DDX54: variants seen among roughly 807,000 people sequenced by gnomAD.
DDX54 encodes the protein DEAD-box helicase 54.
A neutral mutation model predicts 105.5 loss-of-function variants in DDX54; 67 were observed. That is an observed-to-expected ratio of 0.64 (90% CI 0.52 to 0.78). The LOEUF (loss-of-function observed/expected upper bound fraction) is 0.78. Among genes scored for constraint, DDX54 ranks in the 30% least tolerant of loss-of-function variants. The pLI, the probability that DDX54 is intolerant of heterozygous loss-of-function variation, is 0.00. For synonymous variants in DDX54, 514 were observed against 509.9 expected (o/e 1.01, Z -0.11); for missense variants, 1,206 against 1,230.5 (o/e 0.98, Z 0.30).
chr12:113,167,286 A>C (rs1246133297), intron 12 of DDX54, among the ~76,000 whole-genome samples: 1 of 152,150 alleles, frequency 6.6e-6, no homozygotes, highest in Admixed American at 6.6e-5. Context: ...CTGAGGTGGA[A>C]GGATTGCTTG....
In DDX54 at chr12:113,162,905, G is replaced by A; in HGVS notation, c.2195+27C>T. The A allele has an allele frequency of 2.6e-6, 4 of 1,553,580 alleles. 1 individual carries two copies. The South Asian group carries it at 4.9e-5, about 19-fold the overall frequency. ...TCACTCGGTCACTCACCCCGAGCAT[G>A]GAGGGGCGGCTCACTCGATCACTCA... On this transcript the variant is annotated intron_variant, in intron 17 of 19. Coordinates refer to ENST00000306014, the MANE Select transcript of DDX54 (RefSeq NM_024072.4).
Position 113,172,384 on chromosome 12 carries a change from G to A in DDX54, c.1248C>T (p.Pro416=), listed in dbSNP as rs145054934. ...LLDNVINYSF[P]AKGKLFLHRV... is the part of the protein sequence containing the mutation. ...GGTGCAGGAAGAGTTTGCCCTTGGC[G>A]GGGAAGCTGTAGTTGATGACATTGT... is the stretch of plus-strand genomic sequence containing the variant. Residue 416 remains proline, a synonymous_variant, in exon 11 of 20, where the codon CCC becomes CCT. Transcript: ENST00000306014. 244 of 1,614,040 alleles carry A rather than the reference G, an allele frequency of 1.5e-4. 1 individual carries two copies. Among genetic ancestry groups the A allele is most frequent in the Admixed American group, 2.8e-4 (17 of 60,000 alleles).
intron 17 of DDX54, 90 bp downstream of exon 17, chr12:113,162,842 G>C: frequency 7.9e-7 from 1 of 1,269,098 alleles, no homozygotes; most frequent in East Asian, 2.5e-5. Flanking sequence ...GGGAGGGGCG[G>C]CTCACTCGAT....
At chr12:113,179,052 G>A (rs759041811) in intron 4 of DDX54, 26 bp from the exon 5 acceptor site, 227 of 1,613,996 alleles carry the variant, frequency 1.4e-4, no homozygotes, top group Non-Finnish European at 1.8e-4. Context: ...GATTGAGAGA[G>A]GGCAGGGGTG....
intron 14 of DDX54, among the ~76,000 whole-genome samples, chr12:113,165,026 C>A (rs893806943): frequency 6.6e-6 from 1 of 152,154 alleles, no homozygotes; most frequent in African/African-American, 2.4e-5. Flanking sequence ...GACCCTGTTT[C>A]AAAAACAAAC....
chr12:113,166,644 G>C (rs1187269609), intron 12 of DDX54, among the ~76,000 whole-genome samples: 1 of 151,940 alleles, frequency 6.6e-6, no homozygotes, highest in Non-Finnish European at 1.5e-5. Flanking sequence ...CACGGCTGCA[G>C]TGAGCCGTGA....
intron 1 of DDX54, among the ~76,000 whole-genome samples, chr12:113,184,874 T>C (rs2136330424): frequency 6.6e-6 from 1 of 152,306 alleles, no homozygotes; most frequent in Admixed American, 6.5e-5. Context: ...GGCGTCACAC[T>C]GTCTCAAGCC....
chr12:113,159,312 G>A (rs777440707), intron 19 of DDX54: 6 of 574,854 alleles, frequency 1.0e-5, no homozygotes, highest in Non-Finnish European at 1.8e-5. Flanking sequence ...GAACCGCTGG[G>A]GTTCAAATCC....
At position 113,158,574 on chromosome 12, in the gene DDX54, G is replaced by A. The variant is rs1406987343; in HGVS notation, c.*303C>T. On this transcript the variant is annotated 3_prime_UTR_variant, in exon 20 of 20. Coordinates refer to ENST00000306014, the MANE Select transcript of DDX54 (RefSeq NM_024072.4). The surrounding 1 kb of genome is among the most constrained non-coding windows in gnomAD (Gnocchi z 4.9). Reference sequence around the variant, plus strand: ...TCAGGGCTCTGACCGGTGCAGCCATGACCTCTGAACCCAGAACACATGGAA... The same window carrying A: ...TCAGGGCTCTGACCGGTGCAGCCATAACCTCTGAACCCAGAACACATGGAA... 2.8e-6 allele frequency: 1 copy of A among 362,012 alleles called. No homozygotes were observed. The highest frequency in any genetic ancestry group is 4.9e-6 in the Non-Finnish European group (1 of 202,354). The allele number at this position is 362,012 out of a possible 1,614,324, so 22.4% of individuals were successfully genotyped here.
Position 113,158,364 on chromosome 12 carries a change from C to T in DDX54, c.*513G>A, listed in dbSNP as rs936995531. 5 of 153,592 alleles carry T rather than the reference C, an allele frequency of 3.3e-5. No individual in the cohort carries two copies. The highest frequency in any genetic ancestry group is 7.2e-5 in the African/African-American group (3 of 41,490). The allele number at this position is 153,592 out of a possible 1,614,324, so 9.5% of individuals were successfully genotyped here. Reference sequence around the variant, plus strand: ...GTGCTCTGAGCTTCACTTTCCTCATCGCTAAATGGACAAGGCAGCAGAACT... The same window carrying T: ...GTGCTCTGAGCTTCACTTTCCTCATTGCTAAATGGACAAGGCAGCAGAACT... On this transcript the variant is annotated 3_prime_UTR_variant, in exon 20 of 20. Transcript: ENST00000306014. This position sits in a 1 kb window ranked among gnomAD's most constrained non-coding sequence, Gnocchi z 4.9.
In DDX54 at chr12:113,157,822, A is replaced by G; in HGVS notation, c.*1055T>C. 1 of 713,024 alleles carries G rather than the reference A, an allele frequency of 1.4e-6. No homozygotes were observed. The highest frequency in any genetic ancestry group is 2.4e-6 in the Non-Finnish European group (1 of 415,542). The allele number at this position is 713,024 out of a possible 1,614,324, so 44.2% of individuals were successfully genotyped here. A position where few individuals can be genotyped will look rare whatever the true frequency, so the allele number is the denominator to read the frequency against. ...GAAGATGGGAGGGCTGTGCCTGTTC[A>G]GAGTGCTGTGGGCCTGCCATGAGGG... On this transcript the variant is annotated 3_prime_UTR_variant, in exon 20 of 20. Coordinates refer to ENST00000306014, the MANE Select transcript of DDX54 (RefSeq NM_024072.4).
At position 113,179,351 on chromosome 12, in the gene DDX54, G is replaced by A. The variant is rs1952440204; in HGVS notation, c.376-20C>T. 6.2e-7 allele frequency: 1 copy of A among 1,609,250 alleles called. No individual in the cohort carries two copies. The highest frequency in any genetic ancestry group is 8.5e-7 in the Non-Finnish European group (1 of 1,179,528). ...GATGGTCTGGAGAGGCACAAGCAGG[G>A]AAGTCAAGGTCAGCTCCTCCCCAAA... is the stretch of plus-strand genomic sequence containing the variant. On this transcript the variant is annotated intron_variant, in intron 3 of 19. Transcript: ENST00000306014.
chr12:113,164,169 CT>C lies in DDX54; in HGVS notation c.1835del (p.Gln612ArgfsTer84). 1.9e-6 allele frequency: 3 copies of C among 1,557,982 alleles called. No homozygotes were observed. Among genetic ancestry groups the C allele is most frequent in the Non-Finnish European group, 2.6e-6 (3 of 1,151,914 alleles). On this transcript the variant is annotated frameshift_variant, in exon 15 of 20. Coordinates refer to ENST00000306014, the MANE Select transcript of DDX54 (RefSeq NM_024072.4). LOFTEE classifies it high-confidence loss of function. ...ARFQQGQQGR[Q>X]EQQEGPVGPA... ...GGCCCACTGGGCCCTCCTGCTGCTC[CT>C]GCCGCCCCTGCTGTCCCTGCTGGAA...
chr12:113,159,773 C>A (rs1270790104), intron 19 of DDX54, among the ~76,000 whole-genome samples: 7 of 152,158 alleles, frequency 4.6e-5, no homozygotes, highest in African/African-American at 1.7e-4. Flanking sequence ...CCTGCCCCAG[C>A]CCCACAGGTG....
At chr12:113,182,055 G>A (rs577046263) in intron 1 of DDX54, among the ~76,000 whole-genome samples, 1 of 152,048 alleles carries the variant, frequency 6.6e-6, no homozygotes, top group East Asian at 1.9e-4. Flanking sequence ...AACTTACAAG[G>A]TATCTACTAT....
chr12:113,162,754 CCTGGAGGGGCAGCTCACTCG>C, intron 17 of DDX54, 158 bp downstream of exon 17: 1 of 593,492 alleles, frequency 1.7e-6, no homozygotes, highest in Non-Finnish European at 2.9e-6. Context: ...TCACCCTGGG[CCTGGAGGGGCAGCTCACTCG>C]ATCACTCACC....
At chr12:113,182,650 T>C (rs1214024090) in intron 1 of DDX54, among the ~76,000 whole-genome samples, 1 of 151,678 alleles carries the variant, frequency 6.6e-6, no homozygotes, top group African/African-American at 2.4e-5. Context: ...CTCCACCTCC[T>C]GGGTCCAAGC....
intron 1 of DDX54, chr12:113,183,716 T>C (rs1268547948): frequency 6.6e-6 from 1 of 152,224 alleles, no homozygotes; most frequent in Non-Finnish European, 1.5e-5. Context: ...CTGGCTCTTG[T>C]ACTCACAAGC....
chr12:113,172,268 G>A, intron 11 of DDX54, 85 bp downstream of exon 11: 2 of 1,445,004 alleles, frequency 1.4e-6, no homozygotes, highest in Non-Finnish European at 1.9e-6. Flanking sequence ...CCCATGTGCA[G>A]TGTCAAGAGT....
Sources: gnomAD v4.1 joint callset for allele counts (sites outside exome capture counted in the v4.1 genomes callset) on GRCh38, gnomAD v4.1.1 for gene constraint, Gnocchi (gnomAD v3.1) non-coding constraint, MANE v1.5 for transcripts, NCBI Gene and HGNC (gene_info 2026-07-23, HGNC 2026-07-21) for gene names.